The following KDM5A variants were observed in gnomAD, a reference collection of about 807,000 sequenced individuals.
KDM5A encodes lysine-specific demethylase 5A.
KDM5A carries 42 observed loss-of-function variants against 193.5 expected under a neutral mutation model. The ratio of observed to expected loss-of-function variants is 0.22; its 90% CI spans 0.17 to 0.28. The LOEUF (loss-of-function observed/expected upper bound fraction) is 0.28. Ranked by LOEUF, KDM5A falls within the 10% of genes least tolerant of loss-of-function variation. KDM5A has a pLI of 1.00. For missense variants in KDM5A, 1,692 were observed against 2,055.1 expected (o/e 0.82, Z 3.42); for synonymous variants, 796 against 718.1 (o/e 1.11, Z -1.73).
In KDM5A at chr12:280,069, CAA is replaced by C; in HGVS notation, c.*5385_*5386del. On this transcript the variant is annotated 3_prime_UTR_variant, in exon 28 of 28. Coordinates refer to ENST00000399788, the MANE Select transcript of KDM5A (RefSeq NM_001042603.3). ...ATGGAACTTTAAGGAAATATTAAATCAAGTCTTTCTTCCTACCAAAGTAGAAA... is the reference window on the plus strand; with the variant it reads ...ATGGAACTTTAAGGAAATATTAAATCGTCTTTCTTCCTACCAAAGTAGAAA... 1 of 216,880 alleles carries C rather than the reference CAA, an allele frequency of 4.6e-6. No homozygotes were observed. Among genetic ancestry groups the C allele is most frequent in the African/African-American group, 2.2e-5 (1 of 44,646 alleles). 13.4% of individuals were successfully genotyped at this position (216,880 alleles called of 1,614,324 possible).
chr12:298,147 C>T (rs900444450), intron 24 of KDM5A, among the ~76,000 whole-genome samples: 8 of 152,222 alleles, frequency 5.3e-5, no homozygotes, highest in African/African-American at 1.7e-4. Flanking sequence ...CCCTGCCTGA[C>T]GGCTCTGAAG....
chr12:354,507 G>A (rs926826478), intron 7 of KDM5A, among the ~76,000 whole-genome samples: 3 of 152,144 alleles, frequency 2.0e-5, no homozygotes, highest in South Asian at 2.1e-4. Flanking sequence ...AGTGGCTCAC[G>A]CCTGTAATCC....
At chr12:294,839 G>A (rs144958681) in intron 26 of KDM5A, among the ~76,000 whole-genome samples, 1,636 of 152,228 alleles carry the variant, frequency 0.011, 14 homozygotes, top group Middle Eastern at 0.027. Context: ...ATGCAGAATG[G>A]GTAAAATACT....
Position 307,461 on chromosome 12 carries a change from T to C in KDM5A, c.3923A>G (p.Asp1308Gly), listed in dbSNP as rs1449011895. The C allele has an allele frequency of 2.5e-6, 4 of 1,612,782 alleles. No homozygotes were observed. Among genetic ancestry groups the C allele is most frequent in the Non-Finnish European group, 3.4e-6 (4 of 1,179,968 alleles). The part of the protein sequence containing the change: ...AELQKAAANP[D>G]LQGHLPSFQQ... ...TGTAAATCCTAAACTTGCCTGTAAGTCTGGATTGGCAGCTGCTTTTTGGAG... is the reference window on the plus strand; with the variant it reads ...TGTAAATCCTAAACTTGCCTGTAAGCCTGGATTGGCAGCTGCTTTTTGGAG... Residue 1308 changes from aspartate to glycine, a missense_variant, in exon 23 of 28, where the codon GAC becomes GGC. Physicochemically the swap from Asp to Gly is moderately conservative, Grantham distance 94 (BLOSUM62 -1). Around this residue, in one of 11 missense-constraint regions of KDM5A, gnomAD observed 965 missense variants for 1,061.0 expected, o/e 0.91. Transcript: ENST00000399788. The surrounding 1 kb of genome is among the most constrained non-coding windows in gnomAD (Gnocchi z 4.3).
In KDM5A at chr12:383,916, T is replaced by C. The variant is rs1411137336; in HGVS notation, c.366+115A>G. 6 of 1,123,964 alleles carry C rather than the reference T, an allele frequency of 5.3e-6. No individual in the cohort carries two copies. The African/African-American group carries it at 6.1e-5, about 11-fold the overall frequency. The allele number at this position is 1,123,964 out of a possible 1,614,324, so 69.6% of individuals were successfully genotyped here. On this transcript the variant is annotated intron_variant, in intron 3 of 27. Transcript: ENST00000399788. ...GGCATGCGCCACCATACCCAGCTAG[T>C]GCATTTCATTGTCAAACAAATCCTC...
At chr12:325,900 G>C (rs1943776500) in intron 14 of KDM5A, among the ~76,000 whole-genome samples, 1 of 152,132 alleles carries the variant, frequency 6.6e-6, no homozygotes, top group Non-Finnish European at 1.5e-5. Context: ...TGTAATCCCA[G>C]CTACCCGGGA....
chr12:308,650 A>C (rs568041010), intron 22 of KDM5A, among the ~76,000 whole-genome samples: 1 of 152,334 alleles, frequency 6.6e-6, no homozygotes, highest in South Asian at 2.1e-4. Context: ...CTGTCAGTGC[A>C]TTTTCTTGTT....
intron 14 of KDM5A, among the ~76,000 whole-genome samples, chr12:325,234 T>A (rs1943767042): frequency 1.3e-5 from 2 of 152,226 alleles, no homozygotes; most frequent in African/African-American, 4.8e-5. Context: ...TCTTAGTTTA[T>A]AAGAATTTAC....
intron 19 of KDM5A, among the ~76,000 whole-genome samples, chr12:316,689 C>G (rs916325974): frequency 6.6e-6 from 1 of 152,198 alleles, no homozygotes; most frequent in Non-Finnish European, 1.5e-5. Context: ...CCTCCTGGAA[C>G]TGTCATTCGT....
chr12:387,374 T>A (rs1272447088), intron 1 of KDM5A: 2 of 217,296 alleles, frequency 9.2e-6, no homozygotes, highest in Non-Finnish European at 1.9e-5. Context: ...AAACTTTTTT[T>A]AATCAAAGTA....
intron 5 of KDM5A, among the ~76,000 whole-genome samples, chr12:360,189 G>A (rs554059174): frequency 8.9e-4 from 136 of 151,972 alleles, no homozygotes; most frequent in South Asian, 4.4e-3. Flanking sequence ...AAGGAGAATC[G>A]TTTGAACCCG....
rs776316989 is a variant in KDM5A, at chr12:323,208, TACAAA to T, written c.2151-7_2151-3del. ...AGGTCTTCTAATGGGTAGCGATATC[TACAAA>T]AAAAAAAAAAAAAAAAAAAAAAAAA... On this transcript the variant is annotated splice_region_variant and splice_polypyrimidine_tract_variant and intron_variant, in intron 15 of 27. Coordinates refer to ENST00000399788, the MANE Select transcript of KDM5A (RefSeq NM_001042603.3). The T allele has an allele frequency of 2.9e-5, 3 of 105,072 alleles. No homozygotes were observed. The highest frequency in any genetic ancestry group is 2.6e-4 in the East Asian group (1 of 3,790). 6.5% of individuals were successfully genotyped at this position (105,072 alleles called of 1,614,324 possible). A position where few individuals can be genotyped will look rare whatever the true frequency, so the allele number is the denominator to read the frequency against.
At chr12:370,038 C>T (rs1207026634) in intron 3 of KDM5A, among the ~76,000 whole-genome samples, 5 of 152,194 alleles carry the variant, frequency 3.3e-5, no homozygotes, top group Admixed American at 2.6e-4. Context: ...AAAAAACACA[C>T]AAAACCTAAT....
At chr12:367,408 C>G (rs916549919) in intron 3 of KDM5A, among the ~76,000 whole-genome samples, 1 of 151,824 alleles carries the variant, frequency 6.6e-6, no homozygotes. Flanking sequence ...TAAAAATTAG[C>G]TGGGCAGGTT....
intron 21 of KDM5A, 52 bp from the exon 22 acceptor site, chr12:310,016 A>G (rs905376287): frequency 1.3e-6 from 2 of 1,572,936 alleles, no homozygotes; most frequent in Non-Finnish European, 1.7e-6. Context: ...ATAATCTTAA[A>G]AGTAAAAATA....
chr12:306,730 G>A (rs1184791346), intron 24 of KDM5A, among the ~76,000 whole-genome samples: 10 of 146,722 alleles, frequency 6.8e-5, no homozygotes, highest in South Asian at 2.1e-4. Context: ...GTGACAGAGC[G>A]AGACTCCATC....
At chr12:325,830 A>G (rs1163712093) in intron 14 of KDM5A, among the ~76,000 whole-genome samples, 1 of 152,142 alleles carries the variant, frequency 6.6e-6, no homozygotes, top group South Asian at 2.1e-4. Context: ...CCCGGCTAAC[A>G]TGGTGAAACC....
At chr12:355,382 T>C (rs1944219476) in intron 6 of KDM5A, 133 bp from the exon 7 acceptor site, 1 of 671,816 alleles carries the variant, frequency 1.5e-6, no homozygotes, top group Non-Finnish European at 2.7e-6. Flanking sequence ...ATACTATTTA[T>C]TATCTCTCAC....
At position 281,866 on chromosome 12, in the gene KDM5A, G is replaced by A. The variant is rs117678361; in HGVS notation, c.*3590C>T. 1,350 of 274,290 alleles carry A rather than the reference G, an allele frequency of 4.9e-3. 42 individuals are homozygous for A. The East Asian group carries it at 0.069, about 14-fold the overall frequency. 17.0% of individuals were successfully genotyped at this position (274,290 alleles called of 1,614,324 possible). A position where few individuals can be genotyped will look rare whatever the true frequency, so the allele number is the denominator to read the frequency against. ...AAGCAAGTAGTTTCTTGGCGTGCAC[G>A]AATTGCATCCAGAACCCAAAAATTA... On this transcript the variant is annotated 3_prime_UTR_variant, in exon 28 of 28. Coordinates refer to ENST00000399788, the MANE Select transcript of KDM5A (RefSeq NM_001042603.3).
Sources: gnomAD v4.1 joint callset for allele counts (sites outside exome capture counted in the v4.1 genomes callset) on GRCh38, gnomAD v4.1.1 for gene constraint, gnomAD v4.1.1 regional missense constraint, Gnocchi (gnomAD v3.1) non-coding constraint, MANE v1.5 for transcripts, NCBI Gene and HGNC (gene_info 2026-07-23, HGNC 2026-07-21) for gene names.